Variants in UQCC2 observed in about 807,000 individuals in gnomAD.
UQCC2 encodes the protein ubiquinol-cytochrome c reductase complex assembly factor 2.
UQCC2 carries 21 observed loss-of-function variants against 19.9 expected under a neutral mutation model. That is an observed-to-expected ratio of 1.05 (90% CI 0.75 to 1.52). UQCC2 has a LOEUF of 1.52. UQCC2 is among the 40% of genes most tolerant of loss of function. UQCC2 has a pLI of 0.00. For missense variants in UQCC2, 135 were observed against 157.5 expected (o/e 0.86, Z 0.76); for synonymous variants, 57 against 60.9 (o/e 0.94, Z 0.30).
chr6:33,702,660 T>C (rs943879058), intron 1 of UQCC2, among the ~76,000 whole-genome samples: 1 of 152,258 alleles, frequency 6.6e-6, no homozygotes, highest in African/African-American at 2.4e-5. Flanking sequence ...CCCTTTACTC[T>C]GTCCTTCCTA....
intron 1 of UQCC2, among the ~76,000 whole-genome samples, chr6:33,706,754 G>A (rs1008709810): frequency 3.9e-5 from 6 of 152,242 alleles, no homozygotes; most frequent in Admixed American, 2.0e-4. Flanking sequence ...GGCTCCAAGA[G>A]CCTGGGAAGC....
intron 1 of UQCC2, among the ~76,000 whole-genome samples, chr6:33,708,664 A>C (rs1364826065): frequency 1.3e-5 from 2 of 152,182 alleles, no homozygotes; most frequent in Non-Finnish European, 2.9e-5. Flanking sequence ...GCTCCATACT[A>C]GTCAGTCAAC....
In UQCC2 at chr6:33,696,908, A is replaced by G. The variant is rs1765566302; in HGVS notation, c.*745T>C. 1.3e-5 allele frequency: 2 copies of G among 152,298 alleles called. No homozygotes were observed. The highest frequency in any genetic ancestry group is 2.9e-5 in the Non-Finnish European group (2 of 68,094). The allele number at this position is 152,298 out of a possible 1,614,324, so 9.4% of individuals were successfully genotyped here. A position where few individuals can be genotyped will look rare whatever the true frequency, so the allele number is the denominator to read the frequency against. ...AGCCCTGTCCCTCACGGTTCCAGAGAGAAGGATGCTCAATATCAGTAAGAG... is the reference window on the plus strand; with the variant it reads ...AGCCCTGTCCCTCACGGTTCCAGAGGGAAGGATGCTCAATATCAGTAAGAG... On this transcript the variant is annotated 3_prime_UTR_variant, in exon 4 of 4. Coordinates refer to ENST00000607484, the MANE Select transcript of UQCC2 (RefSeq NM_032340.4).
intron 1 of UQCC2, among the ~76,000 whole-genome samples, chr6:33,704,446 G>GCACTTT (rs1308662022): frequency 3.3e-4 from 51 of 152,294 alleles, no homozygotes; most frequent in East Asian, 2.7e-3. Context: ...TGCCGAGGGT[G>GCACTTT]GCGCTGGAAA....
At chr6:33,698,064 C>T in intron 3 of UQCC2, 1 of 300,486 alleles carries the variant, frequency 3.3e-6, no homozygotes, top group South Asian at 5.0e-5. Flanking sequence ...AAGAAATGGC[C>T]CTGCGCTGTC....
chr6:33,711,541 C>G lies in UQCC2; in HGVS notation c.138+8G>C. 1 of 1,593,320 alleles carries G rather than the reference C, an allele frequency of 6.3e-7. No individual in the cohort carries two copies. Among genetic ancestry groups the G allele is most frequent in the African/African-American group, 1.4e-5 (1 of 74,010 alleles). On this transcript the variant is annotated splice_region_variant and intron_variant, in intron 1 of 3. Coordinates refer to ENST00000607484, the MANE Select transcript of UQCC2 (RefSeq NM_032340.4). Reference sequence around the variant, plus strand: ...TCCCCTCGTCCCAGCCGCCTCCCCGCCGGTCACCTGGGTATTCTCTCCCTC... The same window carrying G: ...TCCCCTCGTCCCAGCCGCCTCCCCGGCGGTCACCTGGGTATTCTCTCCCTC...
At chr6:33,708,819 C>G (rs1765731475) in intron 1 of UQCC2, among the ~76,000 whole-genome samples, 1 of 152,134 alleles carries the variant, frequency 6.6e-6, no homozygotes, top group African/African-American at 2.4e-5. Context: ...GGAATTGCGC[C>G]CTTCAAAAAT....
At position 33,711,523 on chromosome 6, in the gene UQCC2, G is replaced by A. The variant is rs775385326; in HGVS notation, c.138+26C>T. On this transcript the variant is annotated intron_variant, in intron 1 of 3. Transcript: ENST00000607484. Reference sequence around the variant, plus strand: ...CCCTGCCTCGTCCTTTCCTCCCCTCGTCCCAGCCGCCTCCCCGCCGGTCAC... The same window carrying A: ...CCCTGCCTCGTCCTTTCCTCCCCTCATCCCAGCCGCCTCCCCGCCGGTCAC... The A allele has an allele frequency of 3.2e-6, 5 of 1,580,732 alleles. No homozygotes were observed. The African/African-American group carries it at 5.4e-5, about 17-fold the overall frequency.
chr6:33,698,968 G>A (rs1339332080), intron 3 of UQCC2, among the ~76,000 whole-genome samples: 5 of 152,144 alleles, frequency 3.3e-5, no homozygotes, highest in Non-Finnish European at 2.9e-5. Context: ...GAAAAAAAGA[G>A]TATCTTTTCT....
intron 2 of UQCC2, among the ~76,000 whole-genome samples, chr6:33,700,908 T>C (rs1246020268): frequency 6.6e-6 from 1 of 152,162 alleles, no homozygotes; most frequent in Admixed American, 6.5e-5. Context: ...TTTTCAAGTA[T>C]GGGAAAAACC....
At chr6:33,700,370 G>T (rs1765624791) in intron 3 of UQCC2, 74 bp downstream of exon 3, 10 of 1,534,600 alleles carry the variant, frequency 6.5e-6, no homozygotes, top group Admixed American at 1.7e-5. Flanking sequence ...TGTCTTCTTA[G>T]ACAATTCCCC....
At chr6:33,706,610 A>T (rs902736692) in intron 1 of UQCC2, among the ~76,000 whole-genome samples, 2 of 152,210 alleles carry the variant, frequency 1.3e-5, no homozygotes, top group Non-Finnish European at 2.9e-5. Context: ...CTGCAGCGAC[A>T]GTGCAGAGAG....
chr6:33,700,426 C>G lies in UQCC2; in HGVS notation c.283+18G>C. ...TCATTTGCAAACCAATGAGAAAAGGCAGCTGTGCTTTCATTACCTGTGGAC... is the reference window on the plus strand; with the variant it reads ...TCATTTGCAAACCAATGAGAAAAGGGAGCTGTGCTTTCATTACCTGTGGAC... On this transcript the variant is annotated intron_variant, in intron 3 of 3. Transcript: ENST00000607484. 1 of 1,613,346 alleles carries G rather than the reference C, an allele frequency of 6.2e-7. No individual in the cohort carries two copies. Among genetic ancestry groups the G allele is most frequent in the Non-Finnish European group, 8.5e-7 (1 of 1,179,342 alleles).
intron 2 of UQCC2, among the ~76,000 whole-genome samples, 164 bp downstream of exon 2, chr6:33,701,182 A>G (rs977296844): frequency 6.6e-6 from 1 of 152,218 alleles, no homozygotes; most frequent in Non-Finnish European, 1.5e-5. Context: ...AGGTGGCCTA[A>G]AAGCCTCTAC....
rs1765768628 is a variant in UQCC2, at chr6:33,711,398, T to C, written c.138+151A>G. 13 of 1,167,476 alleles carry C rather than the reference T, an allele frequency of 1.1e-5. No individual in the cohort carries two copies. In the South Asian group the frequency reaches 1.1e-4, roughly 10 times the overall value. 72.3% of individuals were successfully genotyped at this position (1,167,476 alleles called of 1,614,324 possible). A position where few individuals can be genotyped will look rare whatever the true frequency, so the allele number is the denominator to read the frequency against. On this transcript the variant is annotated intron_variant, in intron 1 of 3. Coordinates refer to ENST00000607484, the MANE Select transcript of UQCC2 (RefSeq NM_032340.4). ...TGAATACAACGGGCGTCGCTATCAG[T>C]AGCTCCCTGGGGGAAAAAGGGGGTC...
At chr6:33,704,466 G>A (rs1765676859) in intron 1 of UQCC2, among the ~76,000 whole-genome samples, 1 of 152,200 alleles carries the variant, frequency 6.6e-6, no homozygotes, top group South Asian at 2.1e-4. Flanking sequence ...ACGGAAGTGA[G>A]GAAGGATGAA....
Position 33,700,428 on chromosome 6 carries a change from G to A in UQCC2, c.283+16C>T. On this transcript the variant is annotated intron_variant, in intron 3 of 3. Transcript: ENST00000607484. ...ATTTGCAAACCAATGAGAAAAGGCAGCTGTGCTTTCATTACCTGTGGACAG... is the reference window on the plus strand; with the variant it reads ...ATTTGCAAACCAATGAGAAAAGGCAACTGTGCTTTCATTACCTGTGGACAG... The A allele has an allele frequency of 6.2e-7, 1 of 1,613,442 alleles. No homozygotes were observed. Among genetic ancestry groups the A allele is most frequent in the Non-Finnish European group, 8.5e-7 (1 of 1,179,394 alleles).
intron 2 of UQCC2, 36 bp from the exon 3 acceptor site, chr6:33,700,549 G>C (rs768249006): frequency 1.2e-6 from 2 of 1,606,576 alleles, no homozygotes; most frequent in Non-Finnish European, 1.7e-6. Context: ...GAAGGGAGGG[G>C]AGAGATCAGC....
intron 1 of UQCC2, among the ~76,000 whole-genome samples, chr6:33,703,143 C>T (rs1041861892): frequency 1.3e-5 from 2 of 152,218 alleles, no homozygotes; most frequent in Non-Finnish European, 2.9e-5. Context: ...GAATGGAATT[C>T]TGCACACATC....
Sources: gnomAD v4.1 joint callset for allele counts (sites outside exome capture counted in the v4.1 genomes callset) on GRCh38, gnomAD v4.1.1 for gene constraint, MANE v1.5 for transcripts, NCBI Gene and HGNC (gene_info 2026-07-23, HGNC 2026-07-21) for gene names.